Variants in CCDC180 observed in about 807,000 individuals in gnomAD.
CCDC180 encodes the protein coiled-coil domain containing 180, also known as coiled-coil domain-containing protein 180.
Under a neutral mutation model 209.2 loss-of-function variants are expected in CCDC180, and 154 were observed. The observed-to-expected ratio is 0.74, with a 90% confidence interval of 0.65 to 0.84. The LOEUF (loss-of-function observed/expected upper bound fraction) is 0.84. CCDC180 is among the 40% of genes least tolerant of loss of function. CCDC180 has a pLI of 0.00. For missense variants in CCDC180, 1,874 were observed against 1,997.3 expected (o/e 0.94, Z 1.18); for synonymous variants, 778 against 749.1 (o/e 1.04, Z -0.63).
At chr9:97,317,517 C>A (rs567335152) in intron 9 of CCDC180, among the ~76,000 whole-genome samples, 30 of 152,276 alleles carry the variant, frequency 2.0e-4, no homozygotes, top group Non-Finnish European at 4.0e-4. Flanking sequence ...TGCTTCATGA[C>A]CATTCTCTGA....
At chr9:97,329,993 G>A (rs1225238640) in intron 16 of CCDC180, among the ~76,000 whole-genome samples, 161 bp from the exon 17 acceptor site, 1 of 151,324 alleles carries the variant, frequency 6.6e-6, no homozygotes, top group Admixed American at 6.6e-5. Context: ...GTGTGAACCT[G>A]GGAGGCGGAG....
At chr9:97,308,805 A>G (rs1832887418) in intron 2 of CCDC180, among the ~76,000 whole-genome samples, 1 of 152,262 alleles carries the variant, frequency 6.6e-6, no homozygotes, top group Non-Finnish European at 1.5e-5. Context: ...AAGTATAAAG[A>G]AGCCAAAACA....
chr9:97,325,248 ACAGATC>A, intron 14 of CCDC180, 56 bp downstream of exon 14: 1 of 1,518,464 alleles, frequency 6.6e-7, no homozygotes, highest in Non-Finnish European at 8.9e-7. Flanking sequence ...ATGAACTCAA[ACAGATC>A]CTTGACCCAA....
intron 22 of CCDC180, among the ~76,000 whole-genome samples, chr9:97,352,633 A>T (rs1237054784): frequency 6.6e-6 from 1 of 152,210 alleles, no homozygotes; most frequent in African/African-American, 2.4e-5. Context: ...GGCACCTTCC[A>T]TGTCAGTATC....
rs763814761 is a variant in CCDC180 at position 97,313,298 on chromosome 9, G to C, written c.412G>C (p.Glu138Gln). The change falls in exon 5 of 37, where the codon GAG becomes CAG. Residue 138 changes from glutamate (E) to glutamine (Q), a missense_variant. Glu to Gln is a conservative substitution (Grantham distance 29). Coordinates refer to ENST00000529487, the MANE Select transcript of CCDC180 (RefSeq NM_020893.6). ...RQAEHKRKSY[E>Q]SALASFQEEI... Reference sequence around the variant, plus strand: ...AGCAGAACACAAGAGGAAGAGCTACGAGAGCGCTCTGGCCAGCTTTCAGGA... The same window carrying C: ...AGCAGAACACAAGAGGAAGAGCTACCAGAGCGCTCTGGCCAGCTTTCAGGA... 1 of 1,612,650 alleles carries C rather than the reference G, an allele frequency of 6.2e-7. No homozygotes were observed. The highest frequency in any genetic ancestry group is 1.3e-5 in the African/African-American group (1 of 75,022).
intron 3 of CCDC180, among the ~76,000 whole-genome samples, chr9:97,311,272 G>A (rs983328946): frequency 3.3e-5 from 5 of 152,182 alleles, no homozygotes; most frequent in Non-Finnish European, 5.9e-5. Flanking sequence ...CTTGGTCCAG[G>A]GGCATTTAGA....
At chr9:97,312,007 T>G in intron 3 of CCDC180, 106 bp from the exon 4 acceptor site, 2 of 919,146 alleles carry the variant, frequency 2.2e-6, no homozygotes, top group Non-Finnish European at 3.5e-6. Context: ...CCATTGCTGC[T>G]GCCCACAGTC....
At chr9:97,330,820 T>G (rs7847332) in intron 18 of CCDC180, 53 bp downstream of exon 18, 409,805 of 1,530,082 alleles carry the variant, frequency 0.27, 57,128 homozygotes, top group African/African-American at 0.42. Flanking sequence ...GCTATGCTCA[T>G]TTTGTGTTTA....
chr9:97,355,784 A>G (rs1826565661), intron 24 of CCDC180, among the ~76,000 whole-genome samples: 1 of 152,206 alleles, frequency 6.6e-6, no homozygotes, highest in Non-Finnish European at 1.5e-5. Context: ...ACCTGGGCTA[A>G]GAAAGTGGGG....
intron 26 of CCDC180, among the ~76,000 whole-genome samples, chr9:97,361,185 C>T (rs1189337700): frequency 3.9e-5 from 6 of 152,188 alleles, no homozygotes; most frequent in South Asian, 2.1e-4. Flanking sequence ...TCACCATGGG[C>T]GCCAATTCCA....
chr9:97,328,775 G>A (rs1564154931), intron 16 of CCDC180, among the ~76,000 whole-genome samples: 1 of 152,174 alleles, frequency 6.6e-6, no homozygotes, highest in African/African-American at 2.4e-5. Flanking sequence ...ACCTCTCAGA[G>A]CTCTGAACTT....
rs560755305 is a variant in CCDC180 at position 97,351,311 on chromosome 9, C to T, written c.3002+756C>T. Among the ~76,000 whole-genome samples, 178 of 152,308 alleles carry T rather than the reference C, an allele frequency of 1.2e-3. 1 individual carries two copies. The Middle Eastern group carries it at 0.017, about 15-fold the overall frequency. On this transcript the variant is annotated intron_variant, in intron 22 of 36. Transcript: ENST00000529487. ...TCCAGTTTCTCTACATTATCACCAA[C>T]GCTTGTACTTTCTGGTGTTTTTTGT...
chr9:97,313,971 T>C (rs1833073089), intron 5 of CCDC180, among the ~76,000 whole-genome samples: 1 of 152,216 alleles, frequency 6.6e-6, no homozygotes, highest in African/African-American at 2.4e-5. Context: ...AAGAACAGGC[T>C]CTCCAGCCGT....
chr9:97,313,157 G>A (rs1833046114), intron 4 of CCDC180, 79 bp from the exon 5 acceptor site: 1 of 889,332 alleles, frequency 1.1e-6, no homozygotes, highest in East Asian at 2.6e-5. Context: ...AGGCCTCAGT[G>A]TGCAGGGGCT....
chr9:97,337,174 GC>G (rs1825933206), intron 18 of CCDC180, among the ~76,000 whole-genome samples: 2 of 152,142 alleles, frequency 1.3e-5, no homozygotes, highest in African/African-American at 4.8e-5. Flanking sequence ...TTGCCTGATT[GC>G]CCTGGCCAGA....
At chr9:97,348,689 G>C (rs1388894026) in intron 20 of CCDC180, among the ~76,000 whole-genome samples, 4 of 152,178 alleles carry the variant, frequency 2.6e-5, no homozygotes, top group African/African-American at 9.7e-5. Flanking sequence ...TTGGAAGACA[G>C]TTGGAATTCA....
intron 36 of CCDC180, 62 bp downstream of exon 36, chr9:97,375,651 G>A: frequency 6.2e-7 from 1 of 1,604,328 alleles, no homozygotes; most frequent in South Asian, 1.1e-5. Flanking sequence ...GCCTTGGGAA[G>A]GGGGAGCTTC....
chr9:97,335,581 T>TAA (rs1825879837), intron 18 of CCDC180, among the ~76,000 whole-genome samples: 1 of 152,202 alleles, frequency 6.6e-6, no homozygotes, highest in Non-Finnish European at 1.5e-5. Context: ...TCTATCATTC[T>TAA]GGATATTTGG....
intron 13 of CCDC180, among the ~76,000 whole-genome samples, chr9:97,324,394 G>GA (rs1222558229): frequency 2.6e-5 from 4 of 152,214 alleles, no homozygotes; most frequent in Non-Finnish European, 5.9e-5. Context: ...GATGGACACT[G>GA]AAATTGGAAT....
Sources: allele counts gnomAD v4.1 joint callset (sites outside exome capture counted in the v4.1 genomes callset), GRCh38; gene constraint gnomAD v4.1.1; transcripts MANE v1.5; gene names NCBI Gene and HGNC (gene_info 2026-07-23, HGNC 2026-07-21).